The following EYA4 variants were observed in gnomAD, a reference collection of about 807,000 sequenced individuals.
EYA4 encodes the protein EYA transcriptional coactivator and phosphatase 4.
A neutral mutation model predicts 87.9 loss-of-function variants in EYA4; 31 were observed. The ratio of observed to expected loss-of-function variants is 0.35; its 90% CI spans 0.27 to 0.48. The LOEUF (loss-of-function observed/expected upper bound fraction) is 0.48, where lower values mean the gene tolerates loss of function less well. Ranked by LOEUF, EYA4 falls within the 20% of genes least tolerant of loss-of-function variation. The probability of loss-of-function intolerance (pLI) is 0.99; values close to 1 mark genes in which losing one functional copy is unlikely to be tolerated. For synonymous variants in EYA4, 263 were observed against 270.6 expected (o/e 0.97, Z 0.28); for missense variants, 678 against 761.4 (o/e 0.89, Z 1.29).
intron 3 of EYA4, among the ~76,000 whole-genome samples, chr6:133,411,129 T>G (rs2128540101): frequency 6.6e-6 from 1 of 152,306 alleles, no homozygotes; most frequent in Non-Finnish European, 1.5e-5. Flanking sequence ...TACATGATGT[T>G]TTATTGTATA....
intron 2 of EYA4, among the ~76,000 whole-genome samples, chr6:133,346,472 C>T (rs1783203776): frequency 6.6e-6 from 1 of 152,188 alleles, no homozygotes; most frequent in African/African-American, 2.4e-5. Flanking sequence ...TCATTTTTCT[C>T]AGAAAGTTTA....
At chr6:133,315,335 G>C (rs115398170) in intron 2 of EYA4, among the ~76,000 whole-genome samples, 66 of 152,272 alleles carry the variant, frequency 4.3e-4, no homozygotes, top group African/African-American at 1.6e-3. Flanking sequence ...TTCTGGGAAA[G>C]TTGAAGATTT....
chr6:133,479,994 T>TAA (rs1463132300), intron 11 of EYA4, among the ~76,000 whole-genome samples: 4 of 152,316 alleles, frequency 2.6e-5, no homozygotes, highest in African/African-American at 9.6e-5. Flanking sequence ...GAAACTGAAT[T>TAA]AAAGTCTGAA....
chr6:133,308,797 T>A (rs1237696176), intron 2 of EYA4, among the ~76,000 whole-genome samples: 1 of 152,254 alleles, frequency 6.6e-6, no homozygotes, highest in South Asian at 2.1e-4. Context: ...CACATTTTTT[T>A]ATCCAAATTC....
intron 3 of EYA4, among the ~76,000 whole-genome samples, chr6:133,395,470 C>A (rs1583165313): frequency 6.6e-6 from 1 of 152,094 alleles, no homozygotes. Flanking sequence ...CTAAGGAAGA[C>A]CTCTAAGTTT....
intron 13 of EYA4, among the ~76,000 whole-genome samples, chr6:133,485,682 A>T (rs972077914): frequency 6.6e-6 from 1 of 152,198 alleles, no homozygotes; most frequent in Non-Finnish European, 1.5e-5. Flanking sequence ...GTTCTCTTTT[A>T]AGTTGTAATT....
rs1485897156 is a variant in EYA4, at chr6:133,342,605, A to ATATATTATATATATATATATATATC, written c.34-39787_34-39786insTATATTATATATATATATATATATC. On this transcript the variant is annotated intron_variant, in intron 2 of 19. Transcript: ENST00000355286. ...TATATATATATATATATATATATAT[A>ATATATTATATATATATATATATATC]ATTCTTTATATTTCTCTGGGCTTAA... Among the ~76,000 whole-genome samples the ATATATTATATATATATATATATATC allele has an allele frequency of 4.6e-5, 6 of 130,438 alleles. 1 individual carries two copies. Among genetic ancestry groups the ATATATTATATATATATATATATATC allele is most frequent in the African/African-American group, 2.0e-4 (6 of 30,502 alleles). 85.6% of individuals were successfully genotyped at this position (130,438 alleles called of 152,430 possible).
At position 133,528,612 on chromosome 6, in the gene EYA4, G is replaced by A. The variant is rs544488259; in HGVS notation, c.1840-113G>A. ...AAACTCTCTCCCCTGAACTTGGGTG[G>A]ACCACACATCCCTGTGTGTGCTGCT... is the stretch of plus-strand genomic sequence containing the variant. On this transcript the variant is annotated intron_variant, in intron 19 of 19. Coordinates refer to ENST00000355286, the MANE Select transcript of EYA4 (RefSeq NM_004100.5). The A allele has an allele frequency of 1.0e-4, 86 of 841,166 alleles. No homozygotes were observed. In the Middle Eastern group the frequency reaches 3.1e-3, roughly 30 times the overall value. 52.1% of individuals were successfully genotyped at this position (841,166 alleles called of 1,614,324 possible). A position where few individuals can be genotyped will look rare whatever the true frequency, so the allele number is the denominator to read the frequency against.
intron 2 of EYA4, among the ~76,000 whole-genome samples, chr6:133,278,232 C>G (rs1777336343): frequency 6.6e-6 from 1 of 152,056 alleles, no homozygotes; most frequent in Non-Finnish European, 1.5e-5. Flanking sequence ...ACCTGTAATT[C>G]TTGAAGACTC....
intron 2 of EYA4, among the ~76,000 whole-genome samples, chr6:133,327,373 C>T (rs1190658291): frequency 6.6e-6 from 1 of 152,062 alleles, no homozygotes; most frequent in Non-Finnish European, 1.5e-5. Flanking sequence ...TTCAAGTGAT[C>T]TGTCTGCCTT....
chr6:133,279,201 T>C (rs1371613165), intron 2 of EYA4, among the ~76,000 whole-genome samples: 2 of 152,180 alleles, frequency 1.3e-5, no homozygotes, highest in Non-Finnish European at 2.9e-5. Flanking sequence ...TTAAGTATTG[T>C]ATGTTATAAA....
chr6:133,272,923 G>A (rs542176622), intron 1 of EYA4, among the ~76,000 whole-genome samples: 15 of 152,002 alleles, frequency 9.9e-5, no homozygotes, highest in South Asian at 2.1e-4. Flanking sequence ...AGAGCTAGGC[G>A]TGGAATATGA....
rs541866907 is a variant in EYA4, at chr6:133,315,977, G to A, written c.33+41164G>A. ...AGCAAGGTCTGGCTAATGGGAGCAG[G>A]CTGTGACACTAGGCAGCATGTACTC... On this transcript the variant is annotated intron_variant, in intron 2 of 19. Transcript: ENST00000355286. Among the ~76,000 whole-genome samples, 7 of 152,216 alleles carry A rather than the reference G, an allele frequency of 4.6e-5. No individual in the cohort carries two copies. The South Asian group carries it at 1.2e-3, about 27-fold the overall frequency.
chr6:133,486,912 A>G (rs1487186597), intron 13 of EYA4, among the ~76,000 whole-genome samples: 9 of 152,252 alleles, frequency 5.9e-5, no homozygotes, highest in Non-Finnish European at 1.2e-4. Flanking sequence ...AACCACCTTC[A>G]TAAGAACCAA....
intron 2 of EYA4, among the ~76,000 whole-genome samples, chr6:133,315,944 G>A (rs1780587768): frequency 1.3e-5 from 2 of 152,150 alleles, no homozygotes; most frequent in African/African-American, 4.8e-5. Flanking sequence ...GTTTTTTGAA[G>A]TGTCAGCAGC....
intron 3 of EYA4, among the ~76,000 whole-genome samples, chr6:133,403,285 G>C (rs1021460994): frequency 1.3e-5 from 2 of 152,112 alleles, no homozygotes; most frequent in Non-Finnish European, 2.9e-5. Context: ...ATCTTGATTT[G>C]TTTATACAGA....
rs143682149 is a variant in EYA4, at chr6:133,413,813, C to T, written c.83+31372C>T. 2.4e-4 allele frequency among the ~76,000 whole-genome samples: 37 copies of T among 152,250 alleles called. 1 individual carries two copies. The highest frequency in any genetic ancestry group is 1.9e-4 in the East Asian group (1 of 5,176). On this transcript the variant is annotated intron_variant, in intron 3 of 19. Transcript: ENST00000355286. ...TCTCTACTTGCATATCCCTTGTGCACCTTAAACTCAACATGTCCAGAATTG... is the reference window on the plus strand; with the variant it reads ...TCTCTACTTGCATATCCCTTGTGCATCTTAAACTCAACATGTCCAGAATTG...
chr6:133,344,120 A>G (rs1202689790), intron 2 of EYA4, among the ~76,000 whole-genome samples: 1 of 152,032 alleles, frequency 6.6e-6, no homozygotes, highest in Non-Finnish European at 1.5e-5. Flanking sequence ...CAGAGCATTT[A>G]TAGGAGAAAG....
intron 19 of EYA4, among the ~76,000 whole-genome samples, chr6:133,526,093 C>T (rs1341743775): frequency 6.6e-6 from 1 of 152,104 alleles, no homozygotes; most frequent in Non-Finnish European, 1.5e-5. Context: ...ATGGTTGGTT[C>T]AACATCAAAA....
Sources: gnomAD v4.1 joint callset for allele counts (sites outside exome capture counted in the v4.1 genomes callset) on GRCh38, gnomAD v4.1.1 for gene constraint, MANE v1.5 for transcripts, NCBI Gene and HGNC (gene_info 2026-07-23, HGNC 2026-07-21) for gene names.